ABCA13: variants seen among roughly 807,000 people sequenced by gnomAD.
ABCA13 encodes ATP-binding cassette sub-family A member 13.
In ABCA13, 476 loss-of-function variants were observed where a neutral mutation model predicts 478.7. That is an observed-to-expected ratio of 0.99 (90% confidence interval 0.92 to 1.07). ABCA13 has a LOEUF of 1.07. Among genes scored for constraint, ABCA13 ranks in the 50% least tolerant of loss-of-function variants. The probability of loss-of-function intolerance (pLI) is 0.00; values close to 1 mark genes in which losing one functional copy is unlikely to be tolerated. For synonymous variants in ABCA13, 2,252 were observed against 2,158.9 expected (o/e 1.04, Z -1.20); for missense variants, 6,060 against 5,910.6 (o/e 1.03, Z -0.83).
intron 29 of ABCA13, among the ~76,000 whole-genome samples, chr7:48,347,591 G>A (rs760319810): frequency 1.2e-4 from 19 of 152,192 alleles, no homozygotes; most frequent in Admixed American, 4.6e-4. Flanking sequence ...GCCAGTCCAG[G>A]CCAGCTGTCC....
chr7:48,324,317 G>A (rs895366620), intron 27 of ABCA13, among the ~76,000 whole-genome samples: 3 of 151,996 alleles, frequency 2.0e-5, no homozygotes, highest in African/African-American at 7.3e-5. Context: ...TTTTTATAAG[G>A]ACATCAGTTA....
intron 58 of ABCA13, among the ~76,000 whole-genome samples, chr7:48,602,971 A>G (rs569834430): frequency 4.6e-5 from 7 of 151,988 alleles, no homozygotes; most frequent in African/African-American, 1.7e-4. Context: ...ATTCCTATGA[A>G]TTTTATTCTC....
chr7:48,306,815 T>G (rs1262292227), intron 23 of ABCA13, among the ~76,000 whole-genome samples: 1 of 152,374 alleles, frequency 6.6e-6, no homozygotes, highest in East Asian at 1.9e-4. Flanking sequence ...ACTCAGATAT[T>G]TGTTCAAACA....
chr7:48,261,102 C>T (rs1193036918), intron 15 of ABCA13, among the ~76,000 whole-genome samples: 1 of 151,710 alleles, frequency 6.6e-6, no homozygotes, highest in African/African-American at 2.4e-5. Context: ...TCCAGCATGC[C>T]AATATATTGA....
intron 28 of ABCA13, among the ~76,000 whole-genome samples, chr7:48,337,871 A>G (rs1806509692): frequency 2.0e-5 from 3 of 152,372 alleles, no homozygotes; most frequent in East Asian, 1.9e-4. Flanking sequence ...ACAACCATCA[A>G]TAATAACGAG....
chr7:48,583,883 A>G (rs1227947315), intron 56 of ABCA13, among the ~76,000 whole-genome samples: 2 of 152,210 alleles, frequency 1.3e-5, no homozygotes, highest in African/African-American at 4.8e-5. Context: ...CATTCAGAAA[A>G]CATTGGATCA....
At chr7:48,171,917 T>C (rs1794121207) in intron 1 of ABCA13, among the ~76,000 whole-genome samples, 1 of 152,370 alleles carries the variant, frequency 6.6e-6, no homozygotes, top group Admixed American at 6.5e-5. Flanking sequence ...CTGCATTTAA[T>C]GCATAAGCAG....
At chr7:48,350,331 T>C (rs1488907865) in intron 29 of ABCA13, among the ~76,000 whole-genome samples, 1 of 152,318 alleles carries the variant, frequency 6.6e-6, no homozygotes, top group East Asian at 1.9e-4. Flanking sequence ...ATGTAGACTT[T>C]CCTTCTGTTG....
At chr7:48,241,582 G>A (rs962039169) in intron 10 of ABCA13, among the ~76,000 whole-genome samples, 1 of 152,158 alleles carries the variant, frequency 6.6e-6, no homozygotes, top group South Asian at 2.1e-4. Flanking sequence ...CAAAATAGCC[G>A]ACTAGATCTT....
At chr7:48,329,101 G>C (rs1356487733) in intron 27 of ABCA13, among the ~76,000 whole-genome samples, 1 of 152,200 alleles carries the variant, frequency 6.6e-6, no homozygotes, top group African/African-American at 2.4e-5. Context: ...ATCAGATACA[G>C]ACTGATCTTC....
At chr7:48,257,380 G>T (rs758613149) in intron 15 of ABCA13, among the ~76,000 whole-genome samples, 7 of 152,080 alleles carry the variant, frequency 4.6e-5, no homozygotes, top group East Asian at 1.9e-4. Context: ...TCCTGTTACA[G>T]TTCTAAAGGG....
At position 48,273,766 on chromosome 7, in the gene ABCA13, C is replaced by T; in HGVS notation, c.4100C>T (p.Thr1367Ile). The T allele has an allele frequency of 6.2e-7, 1 of 1,610,686 alleles. No individual in the cohort carries two copies. The highest frequency in any genetic ancestry group is 8.5e-7 in the Non-Finnish European group (1 of 1,178,250). ...ILEDGFLYVNTSQRMLRILDT... is the reference protein window; with the variant it reads ...ILEDGFLYVNISQRMLRILDT... Reference sequence around the variant, plus strand: ...GAAGATGGCTTTTTATATGTAAATACCTCACAGAGGATGTTACGTATTCTA... The same window carrying T: ...GAAGATGGCTTTTTATATGTAAATATCTCACAGAGGATGTTACGTATTCTA... The change falls in exon 17 of 62, where the codon ACC becomes ATC. Residue 1367 changes from threonine to isoleucine, a missense_variant. By Grantham distance (89) the Thr-to-Ile change is moderately conservative (BLOSUM62 -1). Around this residue, in one of 3 missense-constraint regions of ABCA13, gnomAD observed 4,423 missense variants for 4,309.1 expected, o/e 1.03. Transcript: ENST00000435803.
chr7:48,611,282 G>A (rs1377318594), intron 58 of ABCA13, among the ~76,000 whole-genome samples: 1 of 152,092 alleles, frequency 6.6e-6, no homozygotes, highest in Non-Finnish European at 1.5e-5. Context: ...AATTTAACAA[G>A]CCTCTAGGAA....
chr7:48,242,057 C>G (rs1273312347), intron 10 of ABCA13, among the ~76,000 whole-genome samples: 3 of 152,186 alleles, frequency 2.0e-5, no homozygotes, highest in Non-Finnish European at 4.4e-5. Flanking sequence ...GACAAAACAT[C>G]TGTCATAAAT....
At chr7:48,297,422 C>G in intron 22 of ABCA13, 111 bp downstream of exon 22, 1 of 1,058,454 alleles carries the variant, frequency 9.4e-7, no homozygotes, top group Non-Finnish European at 1.4e-6. Flanking sequence ...ATATGTGATA[C>G]ATAATCATTT....
At chr7:48,505,183 G>A (rs563843062) in intron 48 of ABCA13, among the ~76,000 whole-genome samples, 13 of 152,190 alleles carry the variant, frequency 8.5e-5, no homozygotes, top group African/African-American at 1.2e-4. Flanking sequence ...TTTATGAGCC[G>A]GAACTTGCCT....
intron 55 of ABCA13, among the ~76,000 whole-genome samples, chr7:48,534,951 T>A (rs962561010): frequency 6.6e-6 from 1 of 152,198 alleles, no homozygotes; most frequent in Non-Finnish European, 1.5e-5. Context: ...AGAGTTCACC[T>A]TTCCCTGGCT....
At chr7:48,621,642 TA>T (rs751331417) in intron 59 of ABCA13, among the ~76,000 whole-genome samples, 28 of 152,350 alleles carry the variant, frequency 1.8e-4, no homozygotes, top group Non-Finnish European at 4.0e-4. Context: ...TTCCTTAAAT[TA>T]TTTTTTTGAT....
At chr7:48,633,593 T>C (rs1289464042) in intron 59 of ABCA13, among the ~76,000 whole-genome samples, 3 of 151,830 alleles carry the variant, frequency 2.0e-5, no homozygotes, top group African/African-American at 7.3e-5. Flanking sequence ...AAATAAAAAT[T>C]AGGCTGGGTG....
Sources: allele counts gnomAD v4.1 joint callset (sites outside exome capture counted in the v4.1 genomes callset), GRCh38; gene constraint gnomAD v4.1.1; regional missense constraint gnomAD v4.1.1; transcripts MANE v1.5; gene names NCBI Gene and HGNC (gene_info 2026-07-23, HGNC 2026-07-21).